The following LRRC4C variants were observed in gnomAD, a reference collection of about 807,000 sequenced individuals.
The protein encoded by LRRC4C is leucine rich repeat containing 4C.
A neutral mutation model predicts 33.6 loss-of-function variants in LRRC4C; 5 were observed. The observed-to-expected ratio is 0.15, with a 90% CI of 0.08 to 0.31. LRRC4C has a LOEUF of 0.31. LRRC4C is among the 10% of genes least tolerant of loss of function. The probability of loss-of-function intolerance (pLI) is 1.00; values close to 1 mark genes in which losing one functional copy is unlikely to be tolerated. For synonymous variants in LRRC4C, 329 were observed against 302.0 expected (o/e 1.09, Z -0.93); for missense variants, 560 against 796.7 (o/e 0.70, Z 3.58).
chr11:40,929,343 A>G (rs1451732098), intron 2 of LRRC4C, among the ~76,000 whole-genome samples: 2 of 152,288 alleles, frequency 1.3e-5, no homozygotes, highest in East Asian at 3.9e-4. Flanking sequence ...CCTCACCACT[A>G]TGCAATATAT....
intron 3 of LRRC4C, among the ~76,000 whole-genome samples, chr11:40,407,585 T>C (rs866083048): frequency 2.6e-4 from 40 of 152,096 alleles, no homozygotes; most frequent in Admixed American, 2.6e-4. Context: ...AGATATATTA[T>C]AGGCAAAGAA....
chr11:41,332,274 C>T (rs1279217903), intron 1 of LRRC4C, among the ~76,000 whole-genome samples: 1 of 152,152 alleles, frequency 6.6e-6, no homozygotes, highest in Admixed American at 6.5e-5. Flanking sequence ...AATTTTATAA[C>T]AAGCACAAAC....
chr11:40,310,966 A>G (rs550900395), intron 4 of LRRC4C, among the ~76,000 whole-genome samples: 26 of 152,300 alleles, frequency 1.7e-4, no homozygotes, highest in African/African-American at 6.0e-4. Flanking sequence ...GGCTCACCTG[A>G]GGTGGTTCTT....
chr11:41,253,545 A>G (rs866850461), intron 1 of LRRC4C, among the ~76,000 whole-genome samples: 1 of 152,104 alleles, frequency 6.6e-6, no homozygotes. Context: ...ATAGGCTAAA[A>G]GTCTTGACCA....
At chr11:40,193,366 AC>A (rs1862004212) in intron 5 of LRRC4C, among the ~76,000 whole-genome samples, 1 of 152,228 alleles carries the variant, frequency 6.6e-6, no homozygotes, top group Admixed American at 6.5e-5. Context: ...GAGGGGCCTG[AC>A]TGTTAGAAGG....
At chr11:40,871,664 A>T (rs770076601) in intron 2 of LRRC4C, among the ~76,000 whole-genome samples, 3 of 152,118 alleles carry the variant, frequency 2.0e-5, no homozygotes, top group Non-Finnish European at 4.4e-5. Context: ...GCCAGAGATA[A>T]GAACTCAGAG....
intron 2 of LRRC4C, among the ~76,000 whole-genome samples, chr11:40,863,736 CT>C (rs1362064371): frequency 1.3e-5 from 2 of 152,146 alleles, no homozygotes; most frequent in Non-Finnish European, 2.9e-5. Context: ...GGAAATCCTT[CT>C]TGTTGCTATT....
intron 3 of LRRC4C, among the ~76,000 whole-genome samples, chr11:40,630,088 T>C (rs1200922795): frequency 6.6e-6 from 1 of 152,214 alleles, no homozygotes; most frequent in African/African-American, 2.4e-5. Context: ...GGCTTTATTA[T>C]ATGTTTTTAA....
chr11:40,434,800 G>A (rs1433281869), intron 3 of LRRC4C, among the ~76,000 whole-genome samples: 1 of 152,122 alleles, frequency 6.6e-6, no homozygotes, highest in Non-Finnish European at 1.5e-5. Context: ...TGATTTAAAT[G>A]TACCATTTTG....
chr11:40,666,627 T>C (rs949206009), intron 2 of LRRC4C, among the ~76,000 whole-genome samples: 5 of 152,200 alleles, frequency 3.3e-5, no homozygotes, highest in African/African-American at 1.2e-4. Flanking sequence ...TAGTATCTTA[T>C]ATCAATGCAT....
At chr11:40,322,015 G>T (rs1945870605) in intron 3 of LRRC4C, among the ~76,000 whole-genome samples, 1 of 152,120 alleles carries the variant, frequency 6.6e-6, no homozygotes, top group African/African-American at 2.4e-5. Flanking sequence ...AAGGCAGGGG[G>T]TTTGTTGATT....
chr11:40,568,419 C>A (rs1299404625), intron 3 of LRRC4C, among the ~76,000 whole-genome samples: 3 of 152,186 alleles, frequency 2.0e-5, no homozygotes, highest in African/African-American at 7.2e-5. Flanking sequence ...GCCGGAAGAG[C>A]CAGCTTAGCC....
chr11:41,091,084 T>C (rs1940383120), intron 1 of LRRC4C, among the ~76,000 whole-genome samples: 1 of 152,096 alleles, frequency 6.6e-6, no homozygotes, highest in South Asian at 2.1e-4. Flanking sequence ...GGCACACTGG[T>C]CAACTTTAGA....
intron 5 of LRRC4C, among the ~76,000 whole-genome samples, chr11:40,195,643 T>C (rs1862200660): frequency 6.6e-6 from 1 of 152,110 alleles, no homozygotes; most frequent in African/African-American, 2.4e-5. Context: ...TCAAGAATCA[T>C]TTTATTTGGT....
chr11:41,371,551 AAAAG>A (rs1259865172), intron 1 of LRRC4C, among the ~76,000 whole-genome samples: 1 of 152,186 alleles, frequency 6.6e-6, no homozygotes, highest in African/African-American at 2.4e-5. Flanking sequence ...AACCTAACGA[AAAAG>A]AAAGAAAGCA....
Position 40,603,880 on chromosome 11 carries a change from T to C in LRRC4C, c.-270+44262A>G, listed in dbSNP as rs141853655. Among the ~76,000 whole-genome samples, 42 of 152,336 alleles carry C rather than the reference T, an allele frequency of 2.8e-4. 1 individual carries two copies. The East Asian group carries it at 8.1e-3, about 29-fold the overall frequency. ...ATAGTAAACAATAAAATCACGTAAGTATTCCAAAAATCTGGTAGAATAATT... is the reference window on the plus strand; with the variant it reads ...ATAGTAAACAATAAAATCACGTAAGCATTCCAAAAATCTGGTAGAATAATT... On this transcript the variant is annotated intron_variant, in intron 3 of 6. Coordinates refer to ENST00000528697, the MANE Select transcript of LRRC4C (RefSeq NM_001258419.2).
chr11:40,715,624 G>A (rs1946668776), intron 2 of LRRC4C, among the ~76,000 whole-genome samples: 1 of 152,198 alleles, frequency 6.6e-6, no homozygotes, highest in Non-Finnish European at 1.5e-5. Context: ...GTAGTAGCAA[G>A]AACTGGACAT....
At chr11:40,495,070 TAA>T (rs764321055) in intron 3 of LRRC4C, among the ~76,000 whole-genome samples, 3 of 152,332 alleles carry the variant, frequency 2.0e-5, no homozygotes, top group Admixed American at 6.5e-5. Flanking sequence ...TTATTATCGA[TAA>T]GTGTCCATTT....
At position 41,323,026 on chromosome 11, in the gene LRRC4C, A is replaced by G. The variant is rs141734651; in HGVS notation, c.-496+136405T>C. Among the ~76,000 whole-genome samples, 8 of 152,352 alleles carry G rather than the reference A, an allele frequency of 5.3e-5. No homozygotes were observed. The East Asian group carries it at 1.5e-3, about 29-fold the overall frequency. Reference sequence around the variant, plus strand: ...CTTTTCATAATAACTGAAAGGAAGAAGAGAAATAAAATAACAAATATAAAG... The same window carrying G: ...CTTTTCATAATAACTGAAAGGAAGAGGAGAAATAAAATAACAAATATAAAG... On this transcript the variant is annotated intron_variant, in intron 1 of 6. Transcript: ENST00000528697.
Sources: gnomAD v4.1 joint callset for allele counts (sites outside exome capture counted in the v4.1 genomes callset) on GRCh38, gnomAD v4.1.1 for gene constraint, MANE v1.5 for transcripts, NCBI Gene and HGNC (gene_info 2026-07-23, HGNC 2026-07-21) for gene names.